The following RABGAP1L variants were observed in gnomAD, a reference collection of about 807,000 sequenced individuals.
RABGAP1L encodes RAB GTPase activating protein 1 like, also known as rab GTPase-activating protein 1-like.
RABGAP1L carries 63 observed loss-of-function variants against 137.7 expected under a neutral mutation model. The ratio of observed to expected loss-of-function variants is 0.46; its 90% CI spans 0.37 to 0.56. The LOEUF (loss-of-function observed/expected upper bound fraction) is 0.56, where lower values mean the gene tolerates loss of function less well. RABGAP1L is among the 20% of genes least tolerant of loss of function. The probability of loss-of-function intolerance (pLI) is 0.00; values close to 1 mark genes in which losing one functional copy is unlikely to be tolerated. For synonymous variants in RABGAP1L, 431 were observed against 433.7 expected, an observed-to-expected ratio of 0.99 and a Z score of 0.08; for missense variants, 1,095 against 1,244.0, an observed-to-expected ratio of 0.88 and a Z score of 1.80.
chr1:174,387,760 T>C (rs1686916348), intron 12 of RABGAP1L, among the ~76,000 whole-genome samples: 2 of 152,046 alleles, frequency 1.3e-5, no homozygotes, highest in Non-Finnish European at 2.9e-5. Flanking sequence ...AAATAAAATA[T>C]TTCTAATAAT....
At chr1:174,426,864 C>T (rs749643234) in intron 13 of RABGAP1L, among the ~76,000 whole-genome samples, 3 of 152,052 alleles carry the variant, frequency 2.0e-5, no homozygotes, top group Admixed American at 1.3e-4. Context: ...TTTTATGCTG[C>T]GTGTGTACCT....
chr1:174,803,220 A>G (rs763087797), intron 18 of RABGAP1L, among the ~76,000 whole-genome samples: 1 of 152,178 alleles, frequency 6.6e-6, no homozygotes, highest in Non-Finnish European at 1.5e-5. Context: ...TTTAACCTTC[A>G]GTTGGAAGGA....
At chr1:174,639,175 A>T (rs1051524930) in intron 14 of RABGAP1L, among the ~76,000 whole-genome samples, 1 of 151,678 alleles carries the variant, frequency 6.6e-6, no homozygotes, top group Non-Finnish European at 1.5e-5. Flanking sequence ...TTTTTTTCTT[A>T]CTTTTTCTCT....
intron 13 of RABGAP1L, among the ~76,000 whole-genome samples, chr1:174,417,864 T>G (rs1650788777): frequency 6.6e-6 from 1 of 152,226 alleles, no homozygotes; most frequent in Admixed American, 6.5e-5. Context: ...GTTTTAGAAC[T>G]GGAAATAGAA....
At chr1:174,179,558 A>G (rs1383263704) in intron 1 of RABGAP1L, among the ~76,000 whole-genome samples, 1 of 151,136 alleles carries the variant, frequency 6.6e-6, no homozygotes, top group African/African-American at 2.5e-5. Flanking sequence ...ACACACACAC[A>G]CACACACACA....
chr1:174,845,195 T>C (rs1015545790), intron 19 of RABGAP1L, among the ~76,000 whole-genome samples: 4 of 111,216 alleles, frequency 3.6e-5, no homozygotes, highest in Non-Finnish European at 4.0e-5. Context: ...ACTTCCTCTT[T>C]TCCTAATTGA....
rs1362609825 is a variant in RABGAP1L, at chr1:174,548,278, A to C, written c.1711-89097A>C. The C allele has an allele frequency of 5.2e-6, 7 of 1,334,350 alleles. No homozygotes were observed. The African/African-American group carries it at 1.0e-4, about 20-fold the overall frequency. 82.7% of individuals were successfully genotyped at this position (1,334,350 alleles called of 1,614,324 possible). Reference sequence around the variant, plus strand: ...CTGTTTTTAAACTCTTTGCTATATAACATTAGTTAAGTTGTTTACCCTCTT... The same window carrying C: ...CTGTTTTTAAACTCTTTGCTATATACCATTAGTTAAGTTGTTTACCCTCTT... On this transcript the variant is annotated intron_variant, in intron 13 of 25. Coordinates refer to ENST00000681986, the MANE Select transcript of RABGAP1L (RefSeq NM_001366446.1).
intron 17 of RABGAP1L, among the ~76,000 whole-genome samples, chr1:174,730,254 A>G (rs1014391270): frequency 2.6e-5 from 4 of 152,190 alleles, no homozygotes; most frequent in Non-Finnish European, 5.9e-5. Flanking sequence ...CTAAACATTG[A>G]CTACTCAGGG....
intron 12 of RABGAP1L, among the ~76,000 whole-genome samples, chr1:174,385,080 C>T (rs1338126158): frequency 1.3e-5 from 2 of 152,082 alleles, no homozygotes; most frequent in Non-Finnish European, 2.9e-5. Context: ...TCTGACTGCC[C>T]AGTGAAAAAT....
At chr1:174,288,670 A>G (rs1676291625) in intron 10 of RABGAP1L, among the ~76,000 whole-genome samples, 1 of 152,174 alleles carries the variant, frequency 6.6e-6, no homozygotes, top group African/African-American at 2.4e-5. Flanking sequence ...ATTTAATTAT[A>G]CTATGTCCTG....
intron 19 of RABGAP1L, among the ~76,000 whole-genome samples, chr1:174,848,356 GT>G: frequency 9.8e-6 from 1 of 101,578 alleles, no homozygotes; most frequent in Non-Finnish European, 1.9e-5. Flanking sequence ...CATCTTTGTG[GT>G]TTTATCTACT....
intron 13 of RABGAP1L, among the ~76,000 whole-genome samples, chr1:174,413,687 G>C (rs192025225): frequency 1.3e-5 from 2 of 151,994 alleles, no homozygotes; most frequent in Admixed American, 6.6e-5. Context: ...TTCTCTATGG[G>C]TGAGACTGCA....
chr1:174,906,693 A>C (rs1659147741), intron 19 of RABGAP1L, among the ~76,000 whole-genome samples: 1 of 152,038 alleles, frequency 6.6e-6, no homozygotes, highest in South Asian at 2.1e-4. Context: ...AAAGCCTGAG[A>C]TCACTAAACA....
intron 13 of RABGAP1L, among the ~76,000 whole-genome samples, chr1:174,596,887 C>T (rs887188337): frequency 3.3e-5 from 5 of 151,956 alleles, no homozygotes; most frequent in African/African-American, 1.2e-4. Context: ...TGTTTCTTCT[C>T]TATCCAGTTT....
chr1:174,287,340 A>G (rs892878462), intron 10 of RABGAP1L, among the ~76,000 whole-genome samples: 7 of 152,280 alleles, frequency 4.6e-5, no homozygotes, highest in Admixed American at 6.5e-5. Flanking sequence ...TGATATAAAT[A>G]TAGCCACTCT....
intron 11 of RABGAP1L, among the ~76,000 whole-genome samples, chr1:174,318,058 T>TC (rs1679562571): frequency 6.6e-6 from 1 of 151,708 alleles, no homozygotes. Flanking sequence ...TTTTTTTTTT[T>TC]CTATCTCTTC....
rs1279844361 is a variant in RABGAP1L, at chr1:174,281,364, G to A, written c.1323+2585G>A. Among the ~76,000 whole-genome samples the A allele has an allele frequency of 2.6e-5, 4 of 152,234 alleles. No homozygotes were observed. The East Asian group carries it at 7.7e-4, about 29-fold the overall frequency. On this transcript the variant is annotated intron_variant, in intron 10 of 25. Transcript: ENST00000681986. ...GCCTGTTTTTACAGAGTGCTGTTTG[G>A]TGTGTTTACAAACCATTAGCTAGAC...
At chr1:174,888,579 G>C (rs537794686) in intron 19 of RABGAP1L, among the ~76,000 whole-genome samples, 7 of 151,684 alleles carry the variant, frequency 4.6e-5, no homozygotes, top group African/African-American at 1.7e-4. Flanking sequence ...TCACTGTGTC[G>C]CCCAGGCTGG....
intron 4 of RABGAP1L, among the ~76,000 whole-genome samples, 163 bp from the exon 5 acceptor site, chr1:174,241,320 A>T (rs769264552): frequency 3.7e-5 from 5 of 134,664 alleles, no homozygotes; most frequent in Non-Finnish European, 5.9e-5. Flanking sequence ...ACTCTGTTTC[A>T]AACAAAACAA....
Sources: allele counts gnomAD v4.1 joint callset (sites outside exome capture counted in the v4.1 genomes callset), GRCh38; gene constraint gnomAD v4.1.1; transcripts MANE v1.5; gene names NCBI Gene and HGNC (gene_info 2026-07-23, HGNC 2026-07-21).